Variants in GPR155 observed in about 807,000 individuals in gnomAD.
GPR155 encodes lysosomal cholesterol signaling protein.
In GPR155, 65 loss-of-function variants were observed where a neutral mutation model predicts 93.1. That is an observed-to-expected ratio of 0.70 (90% CI 0.57 to 0.86). GPR155 has a LOEUF of 0.86. Among genes scored for constraint, GPR155 ranks in the 40% least tolerant of loss-of-function variants. The probability of loss-of-function intolerance (pLI) is 0.00; values close to 1 mark genes in which losing one functional copy is unlikely to be tolerated. For synonymous variants in GPR155, 319 were observed against 360.1 expected (o/e 0.89, Z 1.29); for missense variants, 838 against 1,034.8 (o/e 0.81, Z 2.61).
At chr2:174,460,385 A>G (rs1282128878) in intron 9 of GPR155, among the ~76,000 whole-genome samples, 1 of 151,836 alleles carries the variant, frequency 6.6e-6, no homozygotes, top group East Asian at 1.9e-4. Context: ...GATGGTCTCA[A>G]TCTTCTGATC....
chr2:174,479,784 A>G (rs151187476), intron 2 of GPR155, among the ~76,000 whole-genome samples: 120 of 152,330 alleles, frequency 7.9e-4, no homozygotes, highest in African/African-American at 2.8e-3. Context: ...TCCTGAGGAA[A>G]TGGACAAACA....
At chr2:174,480,221 C>T (rs773489122) in intron 2 of GPR155, among the ~76,000 whole-genome samples, 33 of 152,096 alleles carry the variant, frequency 2.2e-4, no homozygotes, top group Non-Finnish European at 4.6e-4. Flanking sequence ...CAAATAGCAC[C>T]TCCACATTCC....
At chr2:174,471,061 A>C (rs1199781774) in intron 3 of GPR155, among the ~76,000 whole-genome samples, 1 of 152,078 alleles carries the variant, frequency 6.6e-6, no homozygotes, top group Non-Finnish European at 1.5e-5. Flanking sequence ...TAGGGGTTGA[A>C]ATGGTTCAGT....
rs1687839099 is a variant in GPR155 at position 174,466,405 on chromosome 2, T to G, written c.1266+139A>C. ...TTAAATATGTTAGGCGTATAGTAGT[T>G]GTAATCAAACTGTAATTGACTGCAT... On this transcript the variant is annotated intron_variant, in intron 6 of 15. Coordinates refer to ENST00000392552, the MANE Select transcript of GPR155 (RefSeq NM_152529.7). The G allele has an allele frequency of 5.0e-6, 3 of 598,584 alleles. No homozygotes were observed. In the African/African-American group the frequency reaches 5.7e-5, roughly 11 times the overall value. 37.1% of individuals were successfully genotyped at this position (598,584 alleles called of 1,614,324 possible). A position where few individuals can be genotyped will look rare whatever the true frequency, so the allele number is the denominator to read the frequency against.
chr2:174,466,590 T>C lies in GPR155; in HGVS notation c.1220A>G (p.Tyr407Cys). The C allele has an allele frequency of 6.3e-7, 1 of 1,594,102 alleles. No homozygotes were observed. Residue 407 changes from tyrosine to cysteine, a missense_variant, in exon 6 of 16, where the codon TAT (tyrosine) becomes TGT (cysteine). Physicochemically the swap from Tyr to Cys is radical, Grantham distance 194. Coordinates refer to ENST00000392552, the MANE Select transcript of GPR155 (RefSeq NM_152529.7). ...TGTAAGCATATGAGGAAGCTGTTTA[T>C]ATTTCTTACTCAAAAGAAGAATAGC... is the stretch of plus-strand genomic sequence containing the variant. ...SLAILLLSKK[Y>C]KQLPHMLTTN...
intron 11 of GPR155, among the ~76,000 whole-genome samples, chr2:174,449,787 C>T (rs569941977): frequency 2.2e-4 from 33 of 151,996 alleles, no homozygotes; most frequent in Non-Finnish European, 5.9e-5. Flanking sequence ...ACCAGCCTGA[C>T]CAATATGGTG....
intron 7 of GPR155, among the ~76,000 whole-genome samples, chr2:174,463,723 C>A (rs1687765068): frequency 6.6e-6 from 1 of 152,150 alleles, no homozygotes; most frequent in Non-Finnish European, 1.5e-5. Flanking sequence ...GATCCTTTGT[C>A]ATGTTAATTA....
chr2:174,478,461 CCCTCTGT>C (rs1318413752), intron 2 of GPR155, among the ~76,000 whole-genome samples: 41 of 152,210 alleles, frequency 2.7e-4, no homozygotes, highest in African/African-American at 8.7e-4. Flanking sequence ...CTTAAGGAAT[CCCTCTGT>C]CTCAGCCTTC....
chr2:174,452,042 G>A (rs575246270), intron 11 of GPR155, among the ~76,000 whole-genome samples: 3 of 152,286 alleles, frequency 2.0e-5, no homozygotes, highest in Admixed American at 1.3e-4. Context: ...CAGATTACAT[G>A]TTGAATTTGT....
intron 10 of GPR155, among the ~76,000 whole-genome samples, chr2:174,457,987 C>A (rs531404834): frequency 6.6e-6 from 1 of 152,106 alleles, no homozygotes; most frequent in African/African-American, 2.4e-5. Context: ...TGGGCTCAAG[C>A]AATCCTTCCA....
chr2:174,463,960 G>A (rs1687770805), intron 7 of GPR155, among the ~76,000 whole-genome samples: 1 of 152,192 alleles, frequency 6.6e-6, no homozygotes, highest in East Asian at 1.9e-4. Context: ...TGTACACTGT[G>A]TAGTTGCAGT....
At chr2:174,446,376 T>A (rs1267089217) in intron 12 of GPR155, among the ~76,000 whole-genome samples, 1 of 147,244 alleles carries the variant, frequency 6.8e-6, no homozygotes, top group Admixed American at 6.8e-5. Flanking sequence ...GAGCATAGAA[T>A]GAATAAATGA....
intron 10 of GPR155, among the ~76,000 whole-genome samples, chr2:174,457,812 G>T (rs997799996): frequency 1.3e-5 from 2 of 151,838 alleles, no homozygotes; most frequent in Non-Finnish European, 2.9e-5. Flanking sequence ...TTGCTGTGGC[G>T]TGACCATGGC....
rs1427964341 is a variant in GPR155 at position 174,436,384 on chromosome 2, C to T, written c.2345G>A (p.Cys782Tyr). The T allele has an allele frequency of 1.2e-6, 2 of 1,614,130 alleles. No homozygotes were observed. Among genetic ancestry groups the T allele is most frequent in the East Asian group, 2.2e-5 (1 of 44,882 alleles). ...CGAKTSAGTFCGCDLVSWLIE... is the reference protein window; with the variant it reads ...CGAKTSAGTFYGCDLVSWLIE... Reference sequence around the variant, plus strand: ...TAGCCAGCTCACCAGGTCACAGCCACAGAAAGTTCCAGCAGAAGTCTTTGC... The same window carrying T: ...TAGCCAGCTCACCAGGTCACAGCCATAGAAAGTTCCAGCAGAAGTCTTTGC... Residue 782 changes from cysteine to tyrosine, a missense_variant, in exon 16 of 16, where the codon TGT (cysteine) becomes TAT (tyrosine). Coordinates refer to ENST00000392552, the MANE Select transcript of GPR155 (RefSeq NM_152529.7).
intron 13 of GPR155, among the ~76,000 whole-genome samples, chr2:174,444,567 G>A (rs893009964): frequency 7.3e-6 from 1 of 137,488 alleles, no homozygotes; most frequent in Admixed American, 8.1e-5. Flanking sequence ...GTCTCAGCTC[G>A]CTGCAACCTC....
intron 3 of GPR155, among the ~76,000 whole-genome samples, chr2:174,472,557 C>A (rs1305349235): frequency 6.6e-6 from 1 of 152,130 alleles, no homozygotes; most frequent in African/African-American, 2.4e-5. Context: ...ATACTTTTCC[C>A]AAATTCATGA....
intron 5 of GPR155, 70 bp downstream of exon 5, chr2:174,468,842 C>T: frequency 2.4e-6 from 3 of 1,271,274 alleles, no homozygotes; most frequent in Non-Finnish European, 3.3e-6. Flanking sequence ...TTTTAAATCC[C>T]TTCTGTTAAC....
Position 174,435,159 on chromosome 2 carries a change from A to T in GPR155, c.*957T>A, listed in dbSNP as rs545937438. 2.6e-5 allele frequency: 4 copies of T among 152,360 alleles called. No homozygotes were observed. Among genetic ancestry groups the T allele is most frequent in the African/African-American group, 7.2e-5 (3 of 41,598 alleles). 9.4% of individuals were successfully genotyped at this position (152,360 alleles called of 1,614,324 possible). ...TAGTAAACAGTTGCAGAAAGCAATG[A>T]TTATATAATGTTGGCATATTCGTAT... On this transcript the variant is annotated 3_prime_UTR_variant, in exon 16 of 16. Coordinates refer to ENST00000392552, the MANE Select transcript of GPR155 (RefSeq NM_152529.7).
chr2:174,486,459 T>A (rs1688483249), intron 1 of GPR155, among the ~76,000 whole-genome samples: 1 of 152,102 alleles, frequency 6.6e-6, no homozygotes, highest in Non-Finnish European at 1.5e-5. Flanking sequence ...GTAACTAACA[T>A]ACCCCAAAAA....
Sources: allele counts gnomAD v4.1 joint callset (sites outside exome capture counted in the v4.1 genomes callset), GRCh38; gene constraint gnomAD v4.1.1; transcripts MANE v1.5; gene names NCBI Gene and HGNC (gene_info 2026-07-23, HGNC 2026-07-21).